CSMD1: variants seen among roughly 807,000 people sequenced by gnomAD.
CSMD1 encodes CUB and sushi domain-containing protein 1.
Under a neutral mutation model 417.5 loss-of-function variants are expected in CSMD1, and 213 were observed. The ratio of observed to expected loss-of-function variants is 0.51; its 90% CI spans 0.46 to 0.57. The LOEUF (loss-of-function observed/expected upper bound fraction) is 0.57. CSMD1 is among the 20% of genes least tolerant of loss of function. The probability of loss-of-function intolerance (pLI) is 0.00; values close to 1 mark genes in which losing one functional copy is unlikely to be tolerated. For synonymous variants in CSMD1, 2,862 were observed against 1,736.8 expected (o/e 1.65, Z -16.11); for missense variants, 6,923 against 4,529.7 (o/e 1.53, Z -15.17).
intron 3 of CSMD1, among the ~76,000 whole-genome samples, chr8:4,043,188 G>A (rs1028588614): frequency 3.3e-5 from 5 of 152,118 alleles, no homozygotes; most frequent in Non-Finnish European, 2.9e-5. Flanking sequence ...GTAGATTATG[G>A]TAGACTGCTA....
intron 5 of CSMD1, among the ~76,000 whole-genome samples, chr8:3,837,081 G>A (rs562021456): frequency 1.3e-5 from 2 of 151,274 alleles, no homozygotes; most frequent in African/African-American, 4.9e-5. Flanking sequence ...GAAGAGCTAG[G>A]AAGAACGCTA....
chr8:3,577,243 C>G (rs919690999), intron 9 of CSMD1, among the ~76,000 whole-genome samples: 1 of 62,826 alleles, frequency 1.6e-5, no homozygotes, highest in South Asian at 4.5e-4. Flanking sequence ...TCTCATGCAT[C>G]ATATTTTATT....
At chr8:3,997,279 C>A (rs192344636) in intron 5 of CSMD1, among the ~76,000 whole-genome samples, 1 of 152,192 alleles carries the variant, frequency 6.6e-6, no homozygotes, top group Admixed American at 6.5e-5. Flanking sequence ...CTTGCAATCA[C>A]GACCATCACT....
intron 68 of CSMD1, among the ~76,000 whole-genome samples, chr8:2,945,429 G>C (rs1046146349): frequency 2.0e-5 from 3 of 152,246 alleles, no homozygotes; most frequent in Admixed American, 6.5e-5. Flanking sequence ...CTACTGTCCA[G>C]GGACATTAAG....
intron 5 of CSMD1, among the ~76,000 whole-genome samples, chr8:3,934,351 A>T (rs1343993987): frequency 6.6e-6 from 1 of 152,220 alleles, no homozygotes; most frequent in Non-Finnish European, 1.5e-5. Context: ...AAAAGAGGAG[A>T]AAAATACATA....
intron 19 of CSMD1, among the ~76,000 whole-genome samples, 197 bp downstream of exon 19, chr8:3,369,057 C>T (rs918486396): frequency 2.6e-5 from 4 of 152,116 alleles, no homozygotes; most frequent in African/African-American, 2.4e-5. Context: ...GAGAGCAAAA[C>T]GGGGAATGGT....
intron 6 of CSMD1, among the ~76,000 whole-genome samples, chr8:3,742,467 C>T (rs1047584305): frequency 3.9e-5 from 6 of 152,238 alleles, no homozygotes; most frequent in African/African-American, 7.2e-5. Flanking sequence ...AATAGGCCTG[C>T]GGTCTATGAT....
chr8:2,966,036 C>G (rs1370928859), intron 58 of CSMD1, 82 bp from the exon 59 acceptor site: 7 of 1,247,962 alleles, frequency 5.6e-6, no homozygotes, highest in African/African-American at 1.5e-5. Flanking sequence ...TCAAGATACT[C>G]TCTCTGAGTT....
At chr8:4,241,928 G>C (rs936304459) in intron 3 of CSMD1, among the ~76,000 whole-genome samples, 2 of 152,174 alleles carry the variant, frequency 1.3e-5, no homozygotes, top group East Asian at 3.9e-4. Context: ...ATTTTATACT[G>C]TCCTACCAAT....
At chr8:3,835,651 T>C (rs1309487762) in intron 5 of CSMD1, among the ~76,000 whole-genome samples, 3 of 151,574 alleles carry the variant, frequency 2.0e-5, no homozygotes, top group Admixed American at 6.6e-5. Flanking sequence ...ACATGGCACA[T>C]GTATACATAT....
chr8:3,142,116 C>T lies in CSMD1; in HGVS notation c.6241+349G>A, dbSNP rs150994956. Among the ~76,000 whole-genome samples, 1,453 of 152,290 alleles carry T rather than the reference C, an allele frequency of 9.5e-3. 15 individuals are homozygous for T. Among genetic ancestry groups the T allele is most frequent in the African/African-American group, 0.032 (1,337 of 41,562 alleles). The stretch of plus-strand genomic sequence containing the variant: ...CCGGCCGCCAAATTATCTTTAAAAA[C>T]TTGAATCCCTGAATGCTGGGGAGAC... On this transcript the variant is annotated intron_variant, in intron 41 of 69. Coordinates refer to ENST00000635120, the MANE Select transcript of CSMD1 (RefSeq NM_033225.6).
intron 12 of CSMD1, among the ~76,000 whole-genome samples, chr8:3,453,797 G>C (rs564093166): frequency 4.7e-4 from 71 of 152,160 alleles, no homozygotes; most frequent in Non-Finnish European, 1.0e-4. Flanking sequence ...TATTGATTTG[G>C]GGGGGATAGT....
chr8:3,778,380 C>T (rs936410392), intron 5 of CSMD1, among the ~76,000 whole-genome samples: 4 of 152,172 alleles, frequency 2.6e-5, no homozygotes, highest in Non-Finnish European at 5.9e-5. Context: ...GGTAAGAAGA[C>T]CGGGGGCAGA....
At chr8:4,731,507 G>A (rs559400548) in intron 1 of CSMD1, among the ~76,000 whole-genome samples, 7 of 152,224 alleles carry the variant, frequency 4.6e-5, no homozygotes, top group East Asian at 3.9e-4. Context: ...GATATATGAT[G>A]TCATAACTTT....
chr8:4,925,789 C>T (rs1256350564), intron 1 of CSMD1, among the ~76,000 whole-genome samples: 4 of 152,046 alleles, frequency 2.6e-5, no homozygotes, highest in East Asian at 3.9e-4. Flanking sequence ...CCTCGTGATC[C>T]GCCCTCCTCG....
rs188141534 is a variant in CSMD1 at position 4,123,847 on chromosome 8, C to A, written c.416-91748G>T. 3.8e-3 allele frequency among the ~76,000 whole-genome samples: 585 copies of A among 152,170 alleles called. 6 individuals carry two copies. The highest frequency in any genetic ancestry group is 1.0e-2 in the South Asian group (48 of 4,820). ...TGAGGACCTATAGAGAATGAGAACA[C>A]GGAACTTTCAACGAGATACACATTC... On this transcript the variant is annotated intron_variant, in intron 3 of 69. Coordinates refer to ENST00000635120, the MANE Select transcript of CSMD1 (RefSeq NM_033225.6).
intron 1 of CSMD1, among the ~76,000 whole-genome samples, chr8:4,905,570 A>G (rs1352864292): frequency 6.6e-6 from 1 of 152,100 alleles, no homozygotes; most frequent in Non-Finnish European, 1.5e-5. Flanking sequence ...CTGTAATCCC[A>G]GCACTTTGGG....
At chr8:3,182,406 G>A (rs1821392722) in intron 36 of CSMD1, among the ~76,000 whole-genome samples, 1 of 152,092 alleles carries the variant, frequency 6.6e-6, no homozygotes, top group East Asian at 1.9e-4. Context: ...GTAGAGACGG[G>A]ATTTCACCAT....
chr8:3,005,499 T>G (rs1402888954), intron 52 of CSMD1, among the ~76,000 whole-genome samples: 1 of 152,186 alleles, frequency 6.6e-6, no homozygotes, highest in African/African-American at 2.4e-5. Flanking sequence ...ATATCCTTGA[T>G]GAACATTGAT....
Sources: allele counts gnomAD v4.1 joint callset (sites outside exome capture counted in the v4.1 genomes callset), GRCh38; gene constraint gnomAD v4.1.1; transcripts MANE v1.5; gene names NCBI Gene and HGNC (gene_info 2026-07-23, HGNC 2026-07-21).